Variants in NRN1 observed in about 807,000 individuals in gnomAD.
NRN1 encodes neuritin 1.
A neutral mutation model predicts 15.0 loss-of-function variants in NRN1; 4 were observed. That is an observed-to-expected ratio of 0.27 (90% CI 0.13 to 0.61). The LOEUF (loss-of-function observed/expected upper bound fraction) is 0.61. NRN1 is among the 20% of genes least tolerant of loss of function. The pLI is 0.87. For synonymous variants in NRN1, 85 were observed against 79.8 expected, an observed-to-expected ratio of 1.07 and a Z score of -0.35; for missense variants, 134 against 181.9, an observed-to-expected ratio of 0.74 and a Z score of 1.51.
Position 5,998,110 on chromosome 6 carries a change from T to A in NRN1, c.*866A>T, listed in dbSNP as rs1167926894. The A allele has an allele frequency of 6.6e-6, 1 of 152,206 alleles. No homozygotes were observed. The highest frequency in any genetic ancestry group is 1.5e-5 in the Non-Finnish European group (1 of 68,044). The allele number at this position is 152,206 out of a possible 1,614,324, so 9.4% of individuals were successfully genotyped here. On this transcript the variant is annotated 3_prime_UTR_variant, in exon 3 of 3. Coordinates refer to ENST00000244766, the MANE Select transcript of NRN1 (RefSeq NM_016588.3). ...AATTACATCTCTCTCTCTTTTTTTTTTAAAATCAAGGCTCTTTTATGTCAA... is the reference window on the plus strand; with the variant it reads ...AATTACATCTCTCTCTCTTTTTTTTATAAAATCAAGGCTCTTTTATGTCAA...
chr6:6,000,453 C>T (rs949708615), intron 2 of NRN1, among the ~76,000 whole-genome samples: 1 of 152,190 alleles, frequency 6.6e-6, no homozygotes, highest in Non-Finnish European at 1.5e-5. Flanking sequence ...CCCACCTGCC[C>T]CGGGCCTTGA....
chr6:5,998,873 A>T lies in NRN1; in HGVS notation c.*103T>A. 1 of 745,274 alleles carries T rather than the reference A, an allele frequency of 1.3e-6. No individual in the cohort carries two copies. Among genetic ancestry groups the T allele is most frequent in the Non-Finnish European group, 2.2e-6 (1 of 450,686 alleles). 46.2% of individuals were successfully genotyped at this position (745,274 alleles called of 1,614,324 possible). ...ATCCTATATGAGTGTTTTCAGCATC[A>T]CAGAGAATCACAACGTCCCCAAAGA... On this transcript the variant is annotated 3_prime_UTR_variant, in exon 3 of 3. Coordinates refer to ENST00000244766, the MANE Select transcript of NRN1 (RefSeq NM_016588.3).
chr6:6,005,139 C>T (rs1335647370), intron 1 of NRN1, among the ~76,000 whole-genome samples: 4 of 152,102 alleles, frequency 2.6e-5, no homozygotes, highest in Non-Finnish European at 5.9e-5. Context: ...TTTTTTCCCT[C>T]CAAACCTCTC....
rs1467747079 is a variant in NRN1 at position 5,998,328 on chromosome 6, G to A, written c.*648C>T. On this transcript the variant is annotated 3_prime_UTR_variant, in exon 3 of 3. Transcript: ENST00000244766. ...AACCCCTCAGTGACCATAGCAGCATGTCTTCTGGAAGCCTTTACTCTTACC... is the reference window on the plus strand; with the variant it reads ...AACCCCTCAGTGACCATAGCAGCATATCTTCTGGAAGCCTTTACTCTTACC... The A allele has an allele frequency of 6.6e-6, 1 of 152,224 alleles. No homozygotes were observed. The highest frequency in any genetic ancestry group is 1.5e-5 in the Non-Finnish European group (1 of 68,078). The allele number at this position is 152,224 out of a possible 1,614,324, so 9.4% of individuals were successfully genotyped here.
chr6:6,003,119 C>T (rs1230735919), intron 1 of NRN1: 1 of 1,049,432 alleles, frequency 9.5e-7, no homozygotes, highest in Non-Finnish European at 1.2e-6. Flanking sequence ...CCCTGGAAGC[C>T]ACCAGCAGTT....
intron 1 of NRN1, 48 bp downstream of exon 1, chr6:6,006,647 A>C (rs766558029): frequency 6.3e-7 from 1 of 1,594,212 alleles, no homozygotes; most frequent in Non-Finnish European, 8.6e-7. Flanking sequence ...GGGCCGGGGC[A>C]GGCTGCCTCC....
chr6:6,003,294 G>A (rs1758012813), intron 1 of NRN1: 1 of 1,223,770 alleles, frequency 8.2e-7, no homozygotes, highest in African/African-American at 1.6e-5. Context: ...GAAGGCCAGA[G>A]GCCGGGCGGG....
chr6:5,998,888 G>A lies in NRN1; in HGVS notation c.*88C>T. The A allele has an allele frequency of 3.5e-6, 3 of 855,942 alleles. No individual in the cohort carries two copies. The highest frequency in any genetic ancestry group is 5.5e-6 in the Non-Finnish European group (3 of 540,894). 53.0% of individuals were successfully genotyped at this position (855,942 alleles called of 1,614,324 possible). On this transcript the variant is annotated 3_prime_UTR_variant, in exon 3 of 3. Coordinates refer to ENST00000244766, the MANE Select transcript of NRN1 (RefSeq NM_016588.3). ...TTTCAGCATCACAGAGAATCACAACGTCCCCAAAGAACTAATGGATCTTCC... is the reference window on the plus strand; with the variant it reads ...TTTCAGCATCACAGAGAATCACAACATCCCCAAAGAACTAATGGATCTTCC...
intron 2 of NRN1, 142 bp downstream of exon 2, chr6:6,002,211 G>T: frequency 9.3e-7 from 1 of 1,080,142 alleles, no homozygotes. Context: ...CTAGGCCTGG[G>T]GGTTGGAGCC....
At chr6:6,005,817 T>C (rs1758097349) in intron 1 of NRN1, among the ~76,000 whole-genome samples, 1 of 152,242 alleles carries the variant, frequency 6.6e-6, no homozygotes, top group South Asian at 2.1e-4. Flanking sequence ...CCCTCTTCTA[T>C]ATCTTTTCTT....
At chr6:6,006,670 C>A (rs767439925) in intron 1 of NRN1, 25 bp downstream of exon 1, 1 of 1,612,850 alleles carries the variant, frequency 6.2e-7, no homozygotes, top group Non-Finnish European at 8.5e-7. Context: ...CCTCCAGCCT[C>A]CAGCCGGGCT....
chr6:6,006,998 A>T (rs1311969821), upstream of NRN1: 7 of 489,202 alleles, frequency 1.4e-5, no homozygotes, highest in Admixed American at 3.5e-5. Context: ...TCACTCCATT[A>T]GAAGGGGGCG....
chr6:6,003,407 AC>A, intron 1 of NRN1: 1 of 475,922 alleles, frequency 2.1e-6, no homozygotes, highest in South Asian at 1.2e-4. Flanking sequence ...CTCCCCAGAC[AC>A]CCTTAACAAC....
intron 1 of NRN1, chr6:6,002,734 G>A (rs1049085997): frequency 1.7e-6 from 1 of 581,258 alleles, no homozygotes; most frequent in Non-Finnish European, 3.0e-6. Flanking sequence ...GGTGTGGGTG[G>A]GTGGGAGGTA....
At chr6:5,999,817 G>A (rs1757888939) in intron 2 of NRN1, among the ~76,000 whole-genome samples, 1 of 152,042 alleles carries the variant, frequency 6.6e-6, no homozygotes, top group Non-Finnish European at 1.5e-5. Flanking sequence ...CGTTCCGTCT[G>A]CTTTCCTCTC....
At chr6:6,000,903 G>A (rs9632521) in intron 2 of NRN1, among the ~76,000 whole-genome samples, 8,296 of 151,776 alleles carry the variant, frequency 0.055, 737 homozygotes, top group African/African-American at 0.19. Context: ...GTGACCTCAG[G>A]AAGGAGTTCT....
At chr6:5,999,642 A>C (rs1170568937) in intron 2 of NRN1, among the ~76,000 whole-genome samples, 2 of 152,164 alleles carry the variant, frequency 1.3e-5, no homozygotes, top group Non-Finnish European at 2.9e-5. Context: ...AGCTCTGAGC[A>C]CGGCCCTCCC....
chr6:6,003,242 C>A, intron 1 of NRN1: 2 of 1,234,542 alleles, frequency 1.6e-6, no homozygotes, highest in Non-Finnish European at 2.0e-6. Flanking sequence ...GCAGCCTGGA[C>A]GTCCTGAGAC....
intron 1 of NRN1, chr6:6,004,152 C>T (rs1758043892): frequency 2.1e-6 from 1 of 482,516 alleles, no homozygotes; most frequent in Admixed American, 6.1e-5. Flanking sequence ...CCGAGGTTAA[C>T]TTCGACCTCC....
Sources: allele counts gnomAD v4.1 joint callset (sites outside exome capture counted in the v4.1 genomes callset), GRCh38; gene constraint gnomAD v4.1.1; transcripts MANE v1.5; gene names NCBI Gene and HGNC (gene_info 2026-07-23, HGNC 2026-07-21).